RELN: variants seen among roughly 807,000 people sequenced by gnomAD.
RELN encodes the protein reelin.
A neutral mutation model predicts 427.6 loss-of-function variants in RELN; 108 were observed. The ratio of observed to expected loss-of-function variants is 0.25; its 90% CI spans 0.22 to 0.30. The LOEUF (loss-of-function observed/expected upper bound fraction) is 0.30. Ranked by LOEUF, RELN falls within the 10% of genes least tolerant of loss-of-function variation. The probability of loss-of-function intolerance (pLI) is 1.00; values close to 1 mark genes in which losing one functional copy is unlikely to be tolerated. For missense variants in RELN, 3,715 were observed against 4,302.8 expected (o/e 0.86, Z 3.82); for synonymous variants, 1,524 against 1,513.4 (o/e 1.01, Z -0.16).
chr7:103,837,069 T>C (rs916476208), intron 2 of RELN, among the ~76,000 whole-genome samples: 1 of 152,226 alleles, frequency 6.6e-6, no homozygotes, highest in African/African-American at 2.4e-5. Context: ...CACATTGACA[T>C]CTTTAATGTT....
chr7:103,927,884 T>C (rs1163647615), intron 1 of RELN, among the ~76,000 whole-genome samples: 1 of 152,152 alleles, frequency 6.6e-6, no homozygotes, highest in Non-Finnish European at 1.5e-5. Context: ...CTAAAGAGTG[T>C]TTAATGAAGG....
chr7:103,556,202 C>T (rs997714093), intron 38 of RELN, among the ~76,000 whole-genome samples: 5 of 152,182 alleles, frequency 3.3e-5, no homozygotes, highest in African/African-American at 1.2e-4. Flanking sequence ...GTCCCTCTCA[C>T]TTCGTCATGG....
chr7:103,540,478 A>G, intron 43 of RELN, 23 bp from the exon 44 acceptor site: 2 of 1,612,102 alleles, frequency 1.2e-6, no homozygotes, highest in African/African-American at 1.3e-5. Flanking sequence ...AACGTTACTG[A>G]AGACTTTCAC....
At chr7:103,789,212 C>T (rs529476642) in intron 3 of RELN, among the ~76,000 whole-genome samples, 24 of 152,184 alleles carry the variant, frequency 1.6e-4, no homozygotes, top group Middle Eastern at 3.4e-3. Context: ...AAGATTTTAA[C>T]GCAAGACCTA....
Position 103,630,584 on chromosome 7 carries a change from T to A in RELN, c.2466-408A>T, listed in dbSNP as rs548566385. On this transcript the variant is annotated intron_variant, in intron 19 of 64. Coordinates refer to ENST00000428762, the MANE Select transcript of RELN (RefSeq NM_005045.4). ...TGGCAGCTATGACAATAAACCTGCA[T>A]CTGACAAATGGGGAAGAAAATTAAG... Among the ~76,000 whole-genome samples, 6 of 152,306 alleles carry A rather than the reference T, an allele frequency of 3.9e-5. 1 individual carries two copies. The South Asian group carries it at 1.2e-3, about 32-fold the overall frequency.
At chr7:103,725,754 C>A (rs185940105) in intron 7 of RELN, among the ~76,000 whole-genome samples, 90 of 152,214 alleles carry the variant, frequency 5.9e-4, no homozygotes, top group Non-Finnish European at 2.6e-4. Flanking sequence ...AATACAGAGA[C>A]TTCACTGGGT....
intron 5 of RELN, among the ~76,000 whole-genome samples, chr7:103,749,938 C>T (rs748409500): frequency 6.6e-6 from 1 of 152,108 alleles, no homozygotes; most frequent in Non-Finnish European, 1.5e-5. Context: ...GCAAGTTACT[C>T]TCATGCTGTT....
At chr7:103,829,992 T>C (rs1793236700) in intron 3 of RELN, among the ~76,000 whole-genome samples, 1 of 134,422 alleles carries the variant, frequency 7.4e-6, no homozygotes, top group African/African-American at 2.5e-5. Context: ...AGGTAAATGG[T>C]AAATGATAAA....
At chr7:103,474,838 C>T (rs1827978055) in intron 64 of RELN, among the ~76,000 whole-genome samples, 1 of 151,608 alleles carries the variant, frequency 6.6e-6, no homozygotes, top group African/African-American at 2.4e-5. Flanking sequence ...GAAAGGAAAC[C>T]CCTGAAATAC....
In RELN at chr7:103,569,882, C is replaced by G. The variant is rs536370055; in HGVS notation, c.4588+2302G>C. 2.0e-5 allele frequency among the ~76,000 whole-genome samples: 3 copies of G among 152,322 alleles called. No homozygotes were observed. The South Asian group carries it at 6.2e-4, about 32-fold the overall frequency. ...TGTTTAAGGCATGTGAAACATTTCT[C>G]TTTTTAAACAGCAGCTCCATCTGCG... On this transcript the variant is annotated intron_variant, in intron 31 of 64. Transcript: ENST00000428762. This position sits in a 1 kb window ranked among gnomAD's most constrained non-coding sequence, Gnocchi z 4.0.
intron 51 of RELN, among the ~76,000 whole-genome samples, chr7:103,507,985 A>G (rs1040765004): frequency 6.6e-6 from 1 of 152,222 alleles, no homozygotes; most frequent in Non-Finnish European, 1.5e-5. Context: ...CTAAGCCAGG[A>G]AGAAGTCGAA....
At chr7:103,736,438 T>C (rs1171189059) in intron 6 of RELN, among the ~76,000 whole-genome samples, 1 of 152,198 alleles carries the variant, frequency 6.6e-6, no homozygotes, top group East Asian at 1.9e-4. Flanking sequence ...AACTATGTCA[T>C]GTCTTTTTTT....
chr7:103,490,552 G>T, intron 59 of RELN, 116 bp downstream of exon 59: 1 of 1,092,336 alleles, frequency 9.2e-7, no homozygotes, highest in Non-Finnish European at 1.4e-6. Flanking sequence ...ATGGGAGAGG[G>T]CACCAGGGCT....
intron 3 of RELN, among the ~76,000 whole-genome samples, chr7:103,794,747 G>T (rs1346698301): frequency 1.3e-5 from 2 of 151,982 alleles, no homozygotes; most frequent in African/African-American, 4.8e-5. Flanking sequence ...TGCTGTAGGG[G>T]GGCTTTCCTG....
In RELN at chr7:103,822,229, A is replaced by G. The variant is rs537793427; in HGVS notation, c.473+11308T>C. Among the ~76,000 whole-genome samples, 4 of 152,154 alleles carry G rather than the reference A, an allele frequency of 2.6e-5. No homozygotes were observed. In the East Asian group the frequency reaches 7.7e-4, roughly 29 times the overall value. On this transcript the variant is annotated intron_variant, in intron 3 of 64. Coordinates refer to ENST00000428762, the MANE Select transcript of RELN (RefSeq NM_005045.4). ...GGCCATCAATTAAAAAATATTGTTA[A>G]TATTAACCTTCTAAATTTTTTATTA...
At chr7:103,973,123 G>A (rs1230998534) in intron 1 of RELN, among the ~76,000 whole-genome samples, 3 of 152,200 alleles carry the variant, frequency 2.0e-5, no homozygotes, top group Admixed American at 2.0e-4. Flanking sequence ...AAAGGCATCT[G>A]GCATTTGCAC....
chr7:103,933,714 G>T (rs969693030), intron 1 of RELN, among the ~76,000 whole-genome samples: 1 of 152,068 alleles, frequency 6.6e-6, no homozygotes, highest in Non-Finnish European at 1.5e-5. Context: ...ACAGAATGGG[G>T]GTCTTCCTCC....
intron 19 of RELN, among the ~76,000 whole-genome samples, chr7:103,633,909 T>C (rs1462118797): frequency 6.6e-6 from 1 of 152,154 alleles, no homozygotes; most frequent in Non-Finnish European, 1.5e-5. Context: ...CATTTGTCTC[T>C]ACTCAGTAAG....
At chr7:103,805,804 G>A (rs1792583960) in intron 3 of RELN, among the ~76,000 whole-genome samples, 2 of 152,154 alleles carry the variant, frequency 1.3e-5, no homozygotes, top group African/African-American at 4.8e-5. Flanking sequence ...GCAGAATACA[G>A]ACACAGAGGA....
Sources: allele counts gnomAD v4.1 joint callset (sites outside exome capture counted in the v4.1 genomes callset), GRCh38; gene constraint gnomAD v4.1.1; non-coding constraint Gnocchi (gnomAD v3.1); transcripts MANE v1.5; gene names NCBI Gene and HGNC (gene_info 2026-07-23, HGNC 2026-07-21).